Variants in TP63 observed in about 807,000 individuals in gnomAD.
TP63 encodes tumor protein p63, also known as tumor protein 63.
TP63 carries 17 observed loss-of-function variants against 82.8 expected under a neutral mutation model. The observed-to-expected ratio is 0.21, with a 90% confidence interval of 0.14 to 0.31. TP63 has a LOEUF of 0.31. Among genes scored for constraint, TP63 ranks in the 10% least tolerant of loss-of-function variants. The pLI, the probability that TP63 is intolerant of heterozygous loss-of-function variation, is 1.00. For synonymous variants in TP63, 330 were observed against 321.7 expected, an observed-to-expected ratio of 1.03 and a Z score of -0.28; for missense variants, 648 against 895.3, an observed-to-expected ratio of 0.72 and a Z score of 3.52.
chr3:189,830,321 T>A (rs540875403), intron 4 of TP63, among the ~76,000 whole-genome samples: 1 of 152,104 alleles, frequency 6.6e-6, no homozygotes, highest in Non-Finnish European at 1.5e-5. Context: ...ACAAAACACA[T>A]CTACCTTCAA....
intron 4 of TP63, among the ~76,000 whole-genome samples, chr3:189,817,042 G>C (rs1289400775): frequency 6.6e-6 from 1 of 150,940 alleles, no homozygotes; most frequent in Non-Finnish European, 1.5e-5. Flanking sequence ...CCTTGTTATT[G>C]TATCAGAAAG....
At chr3:189,754,776 T>C (rs1394342965) in intron 3 of TP63, among the ~76,000 whole-genome samples, 1 of 152,154 alleles carries the variant, frequency 6.6e-6, no homozygotes, top group African/African-American at 2.4e-5. Flanking sequence ...TCTTCCTACG[T>C]TGGTCTCTAT....
At chr3:189,813,909 A>G in intron 4 of TP63, among the ~76,000 whole-genome samples, 1 of 152,186 alleles carries the variant, frequency 6.6e-6, no homozygotes, top group East Asian at 1.9e-4. Context: ...CCCATGATTT[A>G]TAGAGAGTGT....
At chr3:189,736,927 GC>G (rs1197932130) in intron 1 of TP63, among the ~76,000 whole-genome samples, 39 of 152,146 alleles carry the variant, frequency 2.6e-4, no homozygotes, top group African/African-American at 7.0e-4. Context: ...AAGATGATCT[GC>G]CCGGATAATA....
At chr3:189,849,704 C>T (rs1715379464) in intron 4 of TP63, among the ~76,000 whole-genome samples, 1 of 152,020 alleles carries the variant, frequency 6.6e-6, no homozygotes, top group African/African-American at 2.4e-5. Flanking sequence ...TGGATCAACT[C>T]CCTTAGTGTA....
chr3:189,719,704 T>C (rs940648557), intron 1 of TP63, among the ~76,000 whole-genome samples: 3 of 152,134 alleles, frequency 2.0e-5, no homozygotes, highest in Non-Finnish European at 2.9e-5. Context: ...CAAAAACAGA[T>C]GAGAGTATGT....
At chr3:189,860,080 A>G (rs1285934649) in intron 4 of TP63, among the ~76,000 whole-genome samples, 2 of 152,198 alleles carry the variant, frequency 1.3e-5, no homozygotes, top group Non-Finnish European at 2.9e-5. Flanking sequence ...TCAAGCCATC[A>G]GCTTTTGCAC....
intron 4 of TP63, among the ~76,000 whole-genome samples, chr3:189,824,820 C>T (rs144810407): frequency 7.5e-5 from 11 of 145,722 alleles, no homozygotes; most frequent in African/African-American, 1.0e-4. Context: ...GCCCAGGCAT[C>T]GGTTTTGTAG....
chr3:189,806,794 A>T (rs148685787), intron 3 of TP63, among the ~76,000 whole-genome samples: 6 of 152,370 alleles, frequency 3.9e-5, no homozygotes, highest in African/African-American at 1.4e-4. Context: ...GCATGAATGT[A>T]ATGGAATGAG....
At chr3:189,615,268 C>T in the TP63 span, among the ~76,000 whole-genome samples, 1 of 152,120 alleles carries the variant, frequency 6.6e-6, no homozygotes, top group African/African-American at 2.4e-5. Context: ...CCTGGCCTTC[C>T]CCTACCTGAC....
chr3:189,672,784 G>C (rs1317426755), intron 1 of TP63, among the ~76,000 whole-genome samples: 3 of 151,894 alleles, frequency 2.0e-5, no homozygotes, highest in African/African-American at 7.3e-5. Context: ...AGTATGAGCA[G>C]AATTCAACCA....
intron 4 of TP63, among the ~76,000 whole-genome samples, chr3:189,846,972 C>T (rs1031262752): frequency 1.2e-4 from 18 of 152,064 alleles, no homozygotes; most frequent in Admixed American, 2.6e-4. Flanking sequence ...TGAGCCACCA[C>T]GCTTGGCCTT....
intron 3 of TP63, among the ~76,000 whole-genome samples, chr3:189,792,530 C>T (rs757482158): frequency 2.6e-5 from 4 of 152,006 alleles, no homozygotes; most frequent in Non-Finnish European, 4.4e-5. Flanking sequence ...ATTCCTCATC[C>T]GGGGTTTTAG....
At chr3:189,666,133 T>C (rs146565826) in intron 1 of TP63, among the ~76,000 whole-genome samples, 230 of 152,166 alleles carry the variant, frequency 1.5e-3, no homozygotes, top group Middle Eastern at 0.01. Flanking sequence ...TTTATAGCCA[T>C]AAGATACTTA....
chr3:189,654,789 A>G (rs992423910), intron 1 of TP63, among the ~76,000 whole-genome samples: 1 of 152,234 alleles, frequency 6.6e-6, no homozygotes, highest in African/African-American at 2.4e-5. Flanking sequence ...TCAGATTTCA[A>G]CATAAAATCT....
chr3:189,894,711 T>G lies in TP63; in HGVS notation c.*209T>G. The G allele has an allele frequency of 1.6e-6, 1 of 621,558 alleles. No individual in the cohort carries two copies. The highest frequency in any genetic ancestry group is 2.8e-6 in the Non-Finnish European group (1 of 362,760). 38.5% of individuals were successfully genotyped at this position (621,558 alleles called of 1,614,324 possible). On this transcript the variant is annotated 3_prime_UTR_variant, in exon 14 of 14. Transcript: ENST00000264731. Reference sequence around the variant, plus strand: ...GCTTTAAGCCTTCAAAACTATAGCTTGCAGAACTGTAGCTGCCATGGCTAG... The same window carrying G: ...GCTTTAAGCCTTCAAAACTATAGCTGGCAGAACTGTAGCTGCCATGGCTAG...
chr3:189,868,742 G>T (rs1383345432), intron 8 of TP63, 26 bp downstream of exon 8: 5 of 1,613,716 alleles, frequency 3.1e-6, no homozygotes, highest in Non-Finnish European at 4.2e-6. Flanking sequence ...GGCCAAATGG[G>T]GTAGGGTTGA....
chr3:189,770,213 T>C (rs941738312), intron 3 of TP63, among the ~76,000 whole-genome samples: 10 of 152,188 alleles, frequency 6.6e-5, no homozygotes, highest in South Asian at 2.1e-4. Flanking sequence ...ATCCTTATCA[T>C]TGGGGCACCA....
intron 4 of TP63, among the ~76,000 whole-genome samples, chr3:189,851,674 G>A (rs181077758): frequency 6.6e-6 from 1 of 152,308 alleles, no homozygotes; most frequent in African/African-American, 2.4e-5. Context: ...AGGGCAGGCG[G>A]TCCCCCTGCT....
Sources: gnomAD v4.1 joint callset for allele counts (sites outside exome capture counted in the v4.1 genomes callset) on GRCh38, gnomAD v4.1.1 for gene constraint, MANE v1.5 for transcripts, NCBI Gene and HGNC (gene_info 2026-07-23, HGNC 2026-07-21) for gene names.